The following ANO3 variants were observed in gnomAD, a reference collection of about 807,000 sequenced individuals.
ANO3 encodes the protein anoctamin 3.
ANO3 carries 99 observed loss-of-function variants against 144.8 expected under a neutral mutation model. The ratio of observed to expected loss-of-function variants is 0.68; its 90% CI spans 0.58 to 0.81. The LOEUF (loss-of-function observed/expected upper bound fraction) is 0.81, where lower values mean the gene tolerates loss of function less well. Among genes scored for constraint, ANO3 ranks in the 30% least tolerant of loss-of-function variants. ANO3 has a pLI of 0.00. For synonymous variants in ANO3, 414 were observed against 392.6 expected, an observed-to-expected ratio of 1.05 and a Z score of -0.64; for missense variants, 905 against 1,202.2, an observed-to-expected ratio of 0.75 and a Z score of 3.66.
intron 24 of ANO3, among the ~76,000 whole-genome samples, chr11:26,648,113 T>C (rs1853408458): frequency 6.6e-6 from 1 of 152,108 alleles, no homozygotes; most frequent in South Asian, 2.1e-4. Flanking sequence ...ATTTAGAAGT[T>C]ACATTCTGTA....
In ANO3 at chr11:26,266,928, A is replaced by G. The variant is rs1394189327; in HGVS notation, c.155-42717A>G. 3.3e-5 allele frequency among the ~76,000 whole-genome samples: 5 copies of G among 150,164 alleles called. No homozygotes were observed. The South Asian group carries it at 8.5e-4, about 26-fold the overall frequency. On this transcript the variant is annotated intron_variant, in intron 1 of 27. Coordinates refer to the ANO3 transcript ENST00000672621. Reference sequence around the variant, plus strand: ...AACCCCGTCTCTACTAAAAATACAAAAAGAAAAAAAAAAATTAGCCAGGCG... The same window carrying G: ...AACCCCGTCTCTACTAAAAATACAAGAAGAAAAAAAAAAATTAGCCAGGCG...
chr11:26,533,980 C>T (rs1182315914), intron 8 of ANO3, among the ~76,000 whole-genome samples: 1 of 152,136 alleles, frequency 6.6e-6, no homozygotes, highest in East Asian at 1.9e-4. Context: ...TGCTTTTGCT[C>T]TTACATCATT....
intron 1 of ANO3, among the ~76,000 whole-genome samples, chr11:26,376,681 T>C (rs1328980338): frequency 6.6e-6 from 1 of 152,096 alleles, no homozygotes; most frequent in Admixed American, 6.5e-5. Context: ...ATAACAGTTT[T>C]GAAAGAAGTC....
chr11:26,480,442 G>A (rs1012090677), intron 4 of ANO3, among the ~76,000 whole-genome samples: 1 of 152,120 alleles, frequency 6.6e-6, no homozygotes, highest in East Asian at 1.9e-4. Context: ...GAAACAACAT[G>A]TTCGGCTGTG....
At chr11:26,299,524 G>GTA (rs1413942524) in intron 1 of ANO3, among the ~76,000 whole-genome samples, 1 of 152,164 alleles carries the variant, frequency 6.6e-6, no homozygotes, top group African/African-American at 2.4e-5. Flanking sequence ...AGGAAAACTA[G>GTA]AGTCAAGAGA....
At chr11:26,328,730 G>A (rs1183884472), upstream of ANO3, among the ~76,000 whole-genome samples, 1 of 152,014 alleles carries the variant, frequency 6.6e-6, no homozygotes, top group African/African-American at 2.4e-5. Context: ...GAAACCCTAG[G>A]TCCAAAGAGA....
chr11:26,268,821 C>T (rs2133834289), intron 1 of ANO3, among the ~76,000 whole-genome samples: 1 of 152,248 alleles, frequency 6.6e-6, no homozygotes, highest in African/African-American at 2.4e-5. Context: ...CAACACAGTA[C>T]AGGCTTAACA....
chr11:26,496,974 G>GTGTATATATA (rs139292554), intron 4 of ANO3, among the ~76,000 whole-genome samples: 29 of 136,512 alleles, frequency 2.1e-4, no homozygotes, highest in African/African-American at 4.7e-4. Flanking sequence ...AATGTTGTGT[G>GTGTATATATA]TATATATATA....
At chr11:26,420,043 T>C (rs1371412815) in intron 1 of ANO3, among the ~76,000 whole-genome samples, 4 of 152,132 alleles carry the variant, frequency 2.6e-5, no homozygotes, top group Admixed American at 1.3e-4. Context: ...TGGTATTTTG[T>C]CTTGTATTAA....
intron 1 of ANO3, among the ~76,000 whole-genome samples, chr11:26,277,340 T>C (rs373694935): frequency 5.3e-5 from 8 of 152,098 alleles, no homozygotes; most frequent in East Asian, 1.9e-4. Context: ...CCACGCTACA[T>C]TGAAACTTTA....
At chr11:26,562,344 G>C (rs1020025250) in intron 14 of ANO3, among the ~76,000 whole-genome samples, 2 of 151,804 alleles carry the variant, frequency 1.3e-5, no homozygotes, top group Admixed American at 1.3e-4. Flanking sequence ...AATTCAGTAA[G>C]ACTTCATCAA....
chr11:26,308,386 G>A (rs942863166), upstream of ANO3, among the ~76,000 whole-genome samples: 1 of 152,110 alleles, frequency 6.6e-6, no homozygotes, highest in African/African-American at 2.4e-5. Context: ...ATACAATTTA[G>A]TACAGAATTC....
chr11:26,592,326 G>A (rs989811673), intron 14 of ANO3, among the ~76,000 whole-genome samples: 1 of 151,986 alleles, frequency 6.6e-6, no homozygotes, highest in Non-Finnish European at 1.5e-5. Flanking sequence ...GAGGATTGTG[G>A]CCTCCAGGTG....
chr11:26,295,066 T>TTTG (rs760800574), intron 1 of ANO3, among the ~76,000 whole-genome samples: 22 of 151,656 alleles, frequency 1.5e-4, no homozygotes, highest in Middle Eastern at 3.4e-3. Flanking sequence ...GCCAGGGTAA[T>TTTG]TTGTTGTTGT....
At chr11:26,321,383 C>G (rs117172921) in intron 1 of ANO3, among the ~76,000 whole-genome samples, 5,216 of 151,970 alleles carry the variant, frequency 0.034, 131 homozygotes, top group Middle Eastern at 0.082. Flanking sequence ...TTTTCAGTAT[C>G]TTTTTTGGCT....
chr11:26,190,224 C>T (rs1041666486), intron 1 of ANO3, among the ~76,000 whole-genome samples: 2 of 152,066 alleles, frequency 1.3e-5, no homozygotes, highest in Non-Finnish European at 2.9e-5. Flanking sequence ...TAATAAATTC[C>T]ATTACACAAC....
At chr11:26,561,010 C>A in intron 14 of ANO3, 1 of 1,515,168 alleles carries the variant, frequency 6.6e-7, no homozygotes, top group South Asian at 1.3e-5. Flanking sequence ...ATGAATTTGT[C>A]AAAAGGCTAG....
intron 1 of ANO3, among the ~76,000 whole-genome samples, chr11:26,289,755 G>GTA (rs1299771762): frequency 3.7e-4 from 49 of 132,474 alleles, no homozygotes; most frequent in Middle Eastern, 4.3e-3. Context: ...TATTCTATAT[G>GTA]TGTATATATA....
intron 1 of ANO3, among the ~76,000 whole-genome samples, chr11:26,363,435 A>G (rs4450134): frequency 0.8 from 121,883 of 151,994 alleles, 49,092 homozygotes; most frequent in East Asian, 0.98. Flanking sequence ...TCTCTCCTTG[A>G]CGTGCAGATG....
Sources: allele counts gnomAD v4.1 joint callset (sites outside exome capture counted in the v4.1 genomes callset), GRCh38; gene constraint gnomAD v4.1.1; transcripts MANE v1.5; gene names NCBI Gene and HGNC (gene_info 2026-07-23, HGNC 2026-07-21).